The following GALNT10 variants were observed in gnomAD, a reference collection of about 807,000 sequenced individuals.
GALNT10 encodes GalNAc transferase 10.
A neutral mutation model predicts 75.0 loss-of-function variants in GALNT10; 41 were observed. That is an observed-to-expected ratio of 0.55 (90% CI 0.43 to 0.71). The LOEUF is 0.71. GALNT10 is among the 30% of genes least tolerant of loss of function. The pLI is 0.00. For missense variants in GALNT10, 727 were observed against 818.5 expected (o/e 0.89, Z 1.36); for synonymous variants, 302 against 313.0 (o/e 0.96, Z 0.37).
chr5:154,257,378 T>C (rs1157720028), intron 1 of GALNT10, among the ~76,000 whole-genome samples: 1 of 152,204 alleles, frequency 6.6e-6, no homozygotes, highest in East Asian at 1.9e-4. Context: ...AGTTGAGTTT[T>C]AGAGATTAGA....
chr5:154,244,021 G>T (rs1753383236), intron 1 of GALNT10, among the ~76,000 whole-genome samples: 1 of 152,196 alleles, frequency 6.6e-6, no homozygotes, highest in Non-Finnish European at 1.5e-5. Context: ...GTCACTCAGT[G>T]GGTGAGTAGC....
intron 1 of GALNT10, among the ~76,000 whole-genome samples, chr5:154,196,989 T>A (rs1025813177): frequency 6.6e-6 from 1 of 152,154 alleles, no homozygotes; most frequent in South Asian, 2.1e-4. Context: ...TGAGATTTGG[T>A]CCTGGAGAGA....
chr5:154,415,196 G>A, intron 10 of GALNT10, among the ~76,000 whole-genome samples: 1 of 152,180 alleles, frequency 6.6e-6, no homozygotes, highest in East Asian at 1.9e-4. Context: ...GGACCTTGTA[G>A]TAACTACTTT....
intron 7 of GALNT10, among the ~76,000 whole-genome samples, chr5:154,396,007 A>G (rs926519880): frequency 3.3e-5 from 5 of 152,180 alleles, no homozygotes; most frequent in African/African-American, 1.2e-4. Flanking sequence ...GAGGTTGTGC[A>G]GAGAGGATGC....
chr5:154,404,136 C>T lies in GALNT10; in HGVS notation c.1089C>T (p.Ile363=), dbSNP rs1161393090. 1.9e-6 allele frequency: 3 copies of T among 1,613,666 alleles called. No homozygotes were observed. The highest frequency in any genetic ancestry group is 2.5e-6 in the Non-Finnish European group (3 of 1,179,746). ...TGTGTGGGGGCCGCATGGAGGACAT[C>T]CCCTGCTCCAGGGTGGGCCATATCT... ...VWMCGGRMED[I]PCSRVGHIYR... is the part of the protein sequence containing the mutation. Residue 363 remains isoleucine, a synonymous_variant, in exon 8 of 12, where the codon ATC becomes ATT. Coordinates refer to ENST00000297107, the MANE Select transcript of GALNT10 (RefSeq NM_198321.4).
At chr5:154,356,212 A>T in intron 4 of GALNT10, 1 of 456,302 alleles carries the variant, frequency 2.2e-6, no homozygotes, top group Non-Finnish European at 4.4e-6. Flanking sequence ...CAGCATACGC[A>T]GCTCTGGGAT....
intron 7 of GALNT10, among the ~76,000 whole-genome samples, chr5:154,393,367 C>G (rs1035126560): frequency 1.3e-5 from 2 of 152,340 alleles, no homozygotes; most frequent in Admixed American, 1.3e-4. Flanking sequence ...AGCCACCGCG[C>G]CCAGCCCATC....
At chr5:154,390,032 C>T (rs534672630) in intron 7 of GALNT10, among the ~76,000 whole-genome samples, 9 of 152,266 alleles carry the variant, frequency 5.9e-5, no homozygotes, top group Admixed American at 6.5e-5. Flanking sequence ...CTAAAAATTA[C>T]CAACCTTCCT....
intron 7 of GALNT10, among the ~76,000 whole-genome samples, chr5:154,403,319 T>G (rs1357322230): frequency 6.6e-6 from 1 of 152,168 alleles, no homozygotes; most frequent in Non-Finnish European, 1.5e-5. Flanking sequence ...TGAGTCAGTA[T>G]TGGCTGTACA....
chr5:154,414,374 G>A (rs1450629211), intron 10 of GALNT10, among the ~76,000 whole-genome samples: 2 of 152,132 alleles, frequency 1.3e-5, no homozygotes, highest in African/African-American at 4.8e-5. Flanking sequence ...CTGTAACAAG[G>A]AACTGGAGTG....
chr5:154,240,386 C>T (rs1215163281), intron 1 of GALNT10, among the ~76,000 whole-genome samples: 2 of 152,166 alleles, frequency 1.3e-5, no homozygotes, highest in South Asian at 2.1e-4. Flanking sequence ...AGACCCAATA[C>T]ACAATAGCAC....
intron 7 of GALNT10, chr5:154,393,067 A>AAAAAAAAAAAC (rs1755939775): frequency 8.6e-6 from 1 of 116,508 alleles, no homozygotes. Context: ...CAAAAAAAAA[A>AAAAAAAAAAAC]AAAAAAAAAA....
chr5:154,317,905 T>A (rs1306013528), intron 3 of GALNT10, among the ~76,000 whole-genome samples: 1 of 152,332 alleles, frequency 6.6e-6, no homozygotes, highest in East Asian at 1.9e-4. Flanking sequence ...TCTGTTAACT[T>A]CATTCTGAGG....
At chr5:154,196,868 C>T (rs1774953882) in intron 1 of GALNT10, among the ~76,000 whole-genome samples, 1 of 152,184 alleles carries the variant, frequency 6.6e-6, no homozygotes, top group Admixed American at 6.5e-5. Context: ...AGAGAAGACT[C>T]TGGGTGCTGC....
chr5:154,338,206 T>A lies in GALNT10; in HGVS notation c.568+8468T>A. On this transcript the variant is annotated intron_variant, in intron 4 of 11. Transcript: ENST00000297107. Reference sequence around the variant, plus strand: ...CTCTTCCATCCACTTTGTGTGGCCTTGCATTCATGGCTGCATCCATCTTCT... The same window carrying A: ...CTCTTCCATCCACTTTGTGTGGCCTAGCATTCATGGCTGCATCCATCTTCT... The A allele has an allele frequency of 5.3e-6, 4 of 756,538 alleles. No homozygotes were observed. In the South Asian group the frequency reaches 5.4e-5, roughly 10 times the overall value. 46.9% of individuals were successfully genotyped at this position (756,538 alleles called of 1,614,324 possible). A position where few individuals can be genotyped will look rare whatever the true frequency, so the allele number is the denominator to read the frequency against.
At chr5:154,192,670 C>G (rs1774877685) in intron 1 of GALNT10, among the ~76,000 whole-genome samples, 2 of 152,044 alleles carry the variant, frequency 1.3e-5, no homozygotes, top group South Asian at 4.1e-4. Context: ...TTCTTTTTTT[C>G]TGTCTTGAGT....
At chr5:154,309,076 A>G (rs1344844768) in intron 3 of GALNT10, among the ~76,000 whole-genome samples, 1 of 152,238 alleles carries the variant, frequency 6.6e-6, no homozygotes, top group African/African-American at 2.4e-5. Flanking sequence ...GGTAGAAAAA[A>G]TAATAAGAAT....
intron 4 of GALNT10, among the ~76,000 whole-genome samples, chr5:154,372,708 G>A (rs1217928060): frequency 6.6e-6 from 1 of 152,152 alleles, no homozygotes; most frequent in Admixed American, 6.5e-5. Context: ...GGGAGCTCCG[G>A]GGGTTGTTGG....
At chr5:154,388,889 A>AG (rs1755848064) in intron 7 of GALNT10, 1 of 149,868 alleles carries the variant, frequency 6.7e-6, no homozygotes, top group African/African-American at 2.5e-5. Context: ...TCTCATTAAA[A>AG]AAAAAAAAAA....
Sources: gnomAD v4.1 joint callset for allele counts (sites outside exome capture counted in the v4.1 genomes callset) on GRCh38, gnomAD v4.1.1 for gene constraint, MANE v1.5 for transcripts, NCBI Gene and HGNC (gene_info 2026-07-23, HGNC 2026-07-21) for gene names.